Variants in TIAM1 observed in about 807,000 individuals in gnomAD.
The protein encoded by TIAM1 is TIAM Rac1 associated GEF 1, also known as rho guanine nucleotide exchange factor TIAM1.
A neutral mutation model predicts 163.5 loss-of-function variants in TIAM1; 65 were observed. The ratio of observed to expected loss-of-function variants is 0.40; its 90% confidence interval spans 0.33 to 0.49. TIAM1 has a LOEUF of 0.49. Among genes scored for constraint, TIAM1 ranks in the 20% least tolerant of loss-of-function variants. TIAM1 has a pLI of 0.77. For synonymous variants in TIAM1, 833 were observed against 810.1 expected (o/e 1.03, Z -0.48); for missense variants, 1,789 against 2,044.7 (o/e 0.87, Z 2.41).
rs368273038 is a variant in TIAM1, at chr21:31,291,672, G to A, written c.-188-14764C>T. Among the ~76,000 whole-genome samples the A allele has an allele frequency of 5.3e-5, 8 of 152,300 alleles. No individual in the cohort carries two copies. In the South Asian group the frequency reaches 6.2e-4, roughly 12 times the overall value. ...TGAGTAGCTGGGACTGCAGGCATGC[G>A]CTACAACACCTGGCTAATTTTTGTA... On this transcript the variant is annotated intron_variant, in intron 2 of 27. Transcript: ENST00000541036.
intron 12 of TIAM1, among the ~76,000 whole-genome samples, chr21:31,202,054 T>A (rs1410131908): frequency 6.6e-6 from 1 of 152,138 alleles, no homozygotes; most frequent in Non-Finnish European, 1.5e-5. Flanking sequence ...CCCAGTCCCA[T>A]AAGTATGTTC....
chr21:31,441,157 C>T (rs2044404750), intron 2 of TIAM1, among the ~76,000 whole-genome samples: 1 of 152,168 alleles, frequency 6.6e-6, no homozygotes, highest in South Asian at 2.1e-4. Context: ...GGTTCAATTT[C>T]TCTCTTCATC....
At chr21:31,295,756 C>A (rs2074235585) in intron 2 of TIAM1, among the ~76,000 whole-genome samples, 1 of 152,130 alleles carries the variant, frequency 6.6e-6, no homozygotes, top group South Asian at 2.1e-4. Flanking sequence ...GTAAAGAATA[C>A]ACGTACCTTT....
chr21:31,331,714 TCACACC>T (rs2075683717), intron 2 of TIAM1, among the ~76,000 whole-genome samples: 1 of 152,200 alleles, frequency 6.6e-6, no homozygotes, highest in Non-Finnish European at 1.5e-5. Flanking sequence ...TCCTGGGCAC[TCACACC>T]CACTGCCATT....
At chr21:31,224,229 C>T (rs926455112) in intron 7 of TIAM1, among the ~76,000 whole-genome samples, 7 of 152,194 alleles carry the variant, frequency 4.6e-5, no homozygotes, top group African/African-American at 1.7e-4. Context: ...TGCAGTGATG[C>T]TGACAATGGT....
chr21:31,158,760 G>C (rs557913583), intron 16 of TIAM1, among the ~76,000 whole-genome samples: 1 of 152,152 alleles, frequency 6.6e-6, no homozygotes, highest in East Asian at 1.9e-4. Context: ...TCCATACTGT[G>C]GGGCTCAGCT....
At chr21:31,433,449 A>C (rs1009028355) in intron 2 of TIAM1, among the ~76,000 whole-genome samples, 1 of 152,246 alleles carries the variant, frequency 6.6e-6, no homozygotes, top group African/African-American at 2.4e-5. Flanking sequence ...AACCTCTGAA[A>C]GTAAATGGAA....
chr21:31,298,810 G>C (rs1252575234), intron 2 of TIAM1, among the ~76,000 whole-genome samples: 1 of 151,284 alleles, frequency 6.6e-6, no homozygotes, highest in African/African-American at 2.4e-5. Flanking sequence ...GAGAGAGAGA[G>C]AGAGAGAGAG....
At chr21:31,492,776 TACACACACACAC>T (rs3055373) in intron 1 of TIAM1, among the ~76,000 whole-genome samples, 11,139 of 139,720 alleles carry the variant, frequency 0.08, 713 homozygotes, top group Admixed American at 0.21. Context: ...TATTTTGGGT[TACACACACACAC>T]ACACACACAC....
At chr21:31,384,340 G>A (rs2076829779) in intron 2 of TIAM1, among the ~76,000 whole-genome samples, 1 of 136,274 alleles carries the variant, frequency 7.3e-6, no homozygotes, top group African/African-American at 2.8e-5. Flanking sequence ...CAAAGCAGAA[G>A]AACTGCTTGC....
intron 6 of TIAM1, among the ~76,000 whole-genome samples, chr21:31,226,952 GTTTTTT>G: frequency 8.9e-6 from 1 of 112,598 alleles, no homozygotes; most frequent in African/African-American, 3.4e-5. Flanking sequence ...AAAATTCTGT[GTTTTTT>G]TTTTTTTTTT....
rs1295368966 is a variant in TIAM1, at chr21:31,141,696, G to A, written c.3476-192C>T. ...CAGGCAGTCAGATCTATGTATTTAT[G>A]TGTTGGGGGTGGGGTGGGGAGAAGC... On this transcript the variant is annotated intron_variant, in intron 20 of 27. Transcript: ENST00000541036. This position sits in a 1 kb window ranked among gnomAD's most constrained non-coding sequence, Gnocchi z 4.7. 6.6e-6 allele frequency among the ~76,000 whole-genome samples: 1 copy of A among 152,074 alleles called. No homozygotes were observed. Among genetic ancestry groups the A allele is most frequent in the African/African-American group, 2.4e-5 (1 of 41,408 alleles).
chr21:31,534,049 C>T (rs776981325), intron 1 of TIAM1, among the ~76,000 whole-genome samples: 22 of 152,186 alleles, frequency 1.4e-4, no homozygotes, highest in African/African-American at 3.6e-4. Context: ...CGGAAATACC[C>T]GCCTGGCATC....
chr21:31,546,902 A>C (rs534686750), intron 1 of TIAM1, among the ~76,000 whole-genome samples: 1 of 152,088 alleles, frequency 6.6e-6, no homozygotes, highest in Non-Finnish European at 1.5e-5. Context: ...ACTTTCCCCA[A>C]AGCCCTGTTA....
chr21:31,243,516 G>A (rs2071332738), intron 6 of TIAM1, among the ~76,000 whole-genome samples: 1 of 152,066 alleles, frequency 6.6e-6, no homozygotes, highest in Admixed American at 6.5e-5. Flanking sequence ...CTTTCCAAAT[G>A]TGATTTAAAT....
chr21:31,284,113 G>A (rs2073691620), intron 2 of TIAM1, among the ~76,000 whole-genome samples: 1 of 152,148 alleles, frequency 6.6e-6, no homozygotes, highest in Non-Finnish European at 1.5e-5. Flanking sequence ...GTGGCTTAAC[G>A]TACAGGGTGT....
At chr21:31,466,835 C>T (rs2045551576) in intron 1 of TIAM1, among the ~76,000 whole-genome samples, 1 of 152,144 alleles carries the variant, frequency 6.6e-6, no homozygotes, top group African/African-American at 2.4e-5. Flanking sequence ...TAAGGGGAAA[C>T]TACCTTTGCA....
intron 15 of TIAM1, among the ~76,000 whole-genome samples, chr21:31,175,441 C>T (rs2084714764): frequency 6.6e-6 from 1 of 152,196 alleles, no homozygotes; most frequent in African/African-American, 2.4e-5. Flanking sequence ...AATGGTGTCA[C>T]TTCAACTATG....
chr21:31,239,428 C>G (rs1430899564), intron 6 of TIAM1, among the ~76,000 whole-genome samples: 1 of 152,014 alleles, frequency 6.6e-6, no homozygotes, highest in Admixed American at 6.6e-5. Context: ...CCATGCCCAG[C>G]CAAAACAATT....
Sources: allele counts gnomAD v4.1 joint callset (sites outside exome capture counted in the v4.1 genomes callset), GRCh38; gene constraint gnomAD v4.1.1; non-coding constraint Gnocchi (gnomAD v3.1); transcripts MANE v1.5; gene names NCBI Gene and HGNC (gene_info 2026-07-23, HGNC 2026-07-21).